CDC42BPA: variants seen among roughly 807,000 people sequenced by gnomAD.
CDC42BPA encodes the protein CDC42 binding protein kinase alpha.
A neutral mutation model predicts 223.5 loss-of-function variants in CDC42BPA; 80 were observed. The observed-to-expected ratio is 0.36, with a 90% CI of 0.30 to 0.43. The LOEUF (loss-of-function observed/expected upper bound fraction) is 0.43. Among genes scored for constraint, CDC42BPA ranks in the 20% least tolerant of loss-of-function variants. CDC42BPA has a pLI of 1.00. For synonymous variants in CDC42BPA, 694 were observed against 718.6 expected (o/e 0.97, Z 0.55); for missense variants, 1,743 against 2,099.9 (o/e 0.83, Z 3.32).
chr1:227,315,955 C>CAAAAAAAAA (rs71180728), intron 1 of CDC42BPA, among the ~76,000 whole-genome samples: 4 of 110,978 alleles, frequency 3.6e-5, no homozygotes, highest in African/African-American at 7.4e-5. Flanking sequence ...ATTTCAAATC[C>CAAAAAAAAA]AAAAAAAAAA....
intron 9 of CDC42BPA, 121 bp from the exon 10 acceptor site, chr1:227,139,863 T>C (rs188966752): frequency 4.2e-5 from 20 of 479,282 alleles, no homozygotes; most frequent in Admixed American, 2.1e-4. Context: ...CATTTTTAAA[T>C]TGCTCATTTA....
At chr1:227,234,071 C>T (rs962627810) in intron 2 of CDC42BPA, among the ~76,000 whole-genome samples, 6 of 152,044 alleles carry the variant, frequency 3.9e-5, no homozygotes, top group Admixed American at 2.0e-4. Context: ...CAAGTGGCAA[C>T]AGTGGTGGAG....
At chr1:227,296,237 C>T (rs893790982) in intron 1 of CDC42BPA, among the ~76,000 whole-genome samples, 11 of 152,254 alleles carry the variant, frequency 7.2e-5, no homozygotes, top group Non-Finnish European at 1.5e-4. Context: ...TCTTCCACAA[C>T]GATGCTGAGT....
intron 31 of CDC42BPA, 136 bp from the exon 32 acceptor site, chr1:227,023,483 T>C: frequency 2.0e-6 from 1 of 499,658 alleles, no homozygotes. Flanking sequence ...CTCAGAAAAA[T>C]CAACAATAAT....
chr1:227,130,580 T>C (rs1320076347), intron 10 of CDC42BPA, among the ~76,000 whole-genome samples: 1 of 151,612 alleles, frequency 6.6e-6, no homozygotes, highest in African/African-American at 2.4e-5. Context: ...GAGGTGTAGG[T>C]GCGGTGGCTC....
chr1:227,147,634 A>G, intron 6 of CDC42BPA, 75 bp from the exon 7 acceptor site: 1 of 724,036 alleles, frequency 1.4e-6, no homozygotes, highest in Non-Finnish European at 2.2e-6. Context: ...AAGATACACA[A>G]TAGACATTAT....
At chr1:227,258,373 C>T (rs1683466781) in intron 1 of CDC42BPA, among the ~76,000 whole-genome samples, 1 of 150,810 alleles carries the variant, frequency 6.6e-6, no homozygotes, top group Non-Finnish European at 1.5e-5. Context: ...TGCTGCAGAG[C>T]TGACACTTCA....
At chr1:227,069,646 T>C (rs1466720184) in intron 21 of CDC42BPA, 131 bp downstream of exon 21, 1 of 593,522 alleles carries the variant, frequency 1.7e-6, no homozygotes, top group Non-Finnish European at 3.0e-6. Flanking sequence ...TGCTAATATG[T>C]TTTTGTTTAT....
chr1:227,239,874 C>A (rs887028015), intron 2 of CDC42BPA, among the ~76,000 whole-genome samples: 1 of 151,982 alleles, frequency 6.6e-6, no homozygotes, highest in African/African-American at 2.4e-5. Context: ...TAAGGATGTC[C>A]ACCCTTGTGA....
chr1:227,295,818 G>C (rs1381490785), intron 1 of CDC42BPA, among the ~76,000 whole-genome samples: 1 of 152,146 alleles, frequency 6.6e-6, no homozygotes, highest in Non-Finnish European at 1.5e-5. Context: ...GCAGCAGACG[G>C]GAATAAAGTG....
chr1:227,191,731 C>A (rs1172092798), intron 5 of CDC42BPA, among the ~76,000 whole-genome samples: 1 of 152,112 alleles, frequency 6.6e-6, no homozygotes, highest in Non-Finnish European at 1.5e-5. Flanking sequence ...AAATGATAGT[C>A]CTCAGCTAGG....
chr1:227,040,833 C>A (rs1384209718), intron 23 of CDC42BPA, among the ~76,000 whole-genome samples: 1 of 152,042 alleles, frequency 6.6e-6, no homozygotes, highest in Non-Finnish European at 1.5e-5. Context: ...ATTGAATACA[C>A]CATAGTTAAA....
chr1:227,021,147 A>G (rs985382091), intron 32 of CDC42BPA, among the ~76,000 whole-genome samples: 1 of 152,230 alleles, frequency 6.6e-6, no homozygotes, highest in African/African-American at 2.4e-5. Context: ...AGACAGAATA[A>G]CAGTGAAAAA....
At chr1:227,117,566 C>A (rs1324848247) in intron 12 of CDC42BPA, among the ~76,000 whole-genome samples, 2 of 152,156 alleles carry the variant, frequency 1.3e-5, no homozygotes, top group Non-Finnish European at 2.9e-5. Flanking sequence ...CCTCCTGCCT[C>A]AGCCTCTCAA....
chr1:227,205,427 T>C (rs1672549336), intron 3 of CDC42BPA, among the ~76,000 whole-genome samples: 1 of 151,678 alleles, frequency 6.6e-6, no homozygotes, highest in Admixed American at 6.6e-5. Flanking sequence ...AAAAGCAATA[T>C]GAAAAATCAG....
rs573404847 is a variant in CDC42BPA at position 227,107,109 on chromosome 1, A to T, written c.2001+5203T>A. On this transcript the variant is annotated intron_variant, in intron 14 of 36. Coordinates refer to ENST00000366766, the MANE Select transcript of CDC42BPA (RefSeq NM_001394014.1). The stretch of plus-strand genomic sequence containing the variant: ...AAAAAGACTTTGAATTTTGATAGGG[A>T]CTGAATTGAAGCTGTACATAACTTT... 1.1e-4 allele frequency among the ~76,000 whole-genome samples: 17 copies of T among 152,300 alleles called. No homozygotes were observed. In the South Asian group the frequency reaches 3.5e-3, roughly 32 times the overall value.
At chr1:227,284,397 TTATAAA>T (rs1332740182) in intron 1 of CDC42BPA, among the ~76,000 whole-genome samples, 1 of 152,184 alleles carries the variant, frequency 6.6e-6, no homozygotes, top group Non-Finnish European at 1.5e-5. Context: ...AAAGATTATG[TTATAAA>T]TACTGGTTGG....
chr1:227,015,361 T>C (rs199533047), intron 34 of CDC42BPA, among the ~76,000 whole-genome samples: 1 of 150,136 alleles, frequency 6.7e-6, no homozygotes, highest in East Asian at 2.0e-4. Flanking sequence ...AGGCAAAGGT[T>C]GCAGTGAGCC....
At chr1:227,148,349 G>T (rs1451812702) in intron 6 of CDC42BPA, among the ~76,000 whole-genome samples, 1 of 152,132 alleles carries the variant, frequency 6.6e-6, no homozygotes. Context: ...TATGCATGTT[G>T]TAAGGTACTT....
Sources: allele counts gnomAD v4.1 joint callset (sites outside exome capture counted in the v4.1 genomes callset), GRCh38; gene constraint gnomAD v4.1.1; transcripts MANE v1.5; gene names NCBI Gene and HGNC (gene_info 2026-07-23, HGNC 2026-07-21).